Variants in GKAP1 observed in about 807,000 individuals in gnomAD.
The protein encoded by GKAP1 is G kinase anchoring protein 1, also known as G kinase-anchoring protein 1.
GKAP1 carries 31 observed loss-of-function variants against 56.7 expected under a neutral mutation model. The ratio of observed to expected loss-of-function variants is 0.55; its 90% CI spans 0.41 to 0.74. GKAP1 has a LOEUF of 0.74. GKAP1 is among the 30% of genes least tolerant of loss of function. GKAP1 has a pLI of 0.00. For missense variants in GKAP1, 364 were observed against 402.3 expected (o/e 0.90, Z 0.82); for synonymous variants, 151 against 138.6 (o/e 1.09, Z -0.63).
At chr9:83,757,264 A>G (rs1040042200) in intron 8 of GKAP1, among the ~76,000 whole-genome samples, 11 of 152,186 alleles carry the variant, frequency 7.2e-5, no homozygotes, top group African/African-American at 2.7e-4. Flanking sequence ...CTGTGACAGG[A>G]GTGGTCTGCT....
At chr9:83,764,420 T>C (rs1183300016) in intron 8 of GKAP1, among the ~76,000 whole-genome samples, 2 of 152,330 alleles carry the variant, frequency 1.3e-5, no homozygotes, top group East Asian at 3.9e-4. Context: ...TCGCTAGCCA[T>C]GCACAACTGT....
intron 12 of GKAP1, among the ~76,000 whole-genome samples, chr9:83,740,635 T>G (rs1315331830): frequency 6.6e-6 from 1 of 152,194 alleles, no homozygotes. Context: ...TTTTTAGAAT[T>G]CTGACATCTA....
At chr9:83,744,143 C>T (rs528812142) in intron 10 of GKAP1, among the ~76,000 whole-genome samples, 77 of 152,334 alleles carry the variant, frequency 5.1e-4, no homozygotes, top group African/African-American at 1.9e-3. Flanking sequence ...ATGCTTTCTA[C>T]TCCTCCATCC....
rs1292217252 is a variant in GKAP1, at chr9:83,806,449, A to C, written c.69T>G (p.Ser23Arg). The change falls in exon 3 of 13, where the codon AGT (serine) becomes AGG (arginine). Residue 23 changes from serine (S) to arginine (R), a missense_variant. Transcript: ENST00000376371. The stretch of plus-strand genomic sequence containing the variant: ...CAGGTTCAGAATCAGAGCCACTGCC[A>C]CTATCCACTTGTAACAGGGCAAAAC... ...ASRFALLQVD[S>R]GSGSDSEPGK... The C allele has an allele frequency of 6.8e-6, 11 of 1,613,894 alleles. No individual in the cohort carries two copies. The highest frequency in any genetic ancestry group is 9.3e-6 in the Non-Finnish European group (11 of 1,179,950).
intron 10 of GKAP1, among the ~76,000 whole-genome samples, chr9:83,747,917 G>C (rs987993979): frequency 6.6e-6 from 1 of 152,130 alleles, no homozygotes; most frequent in African/African-American, 2.4e-5. Flanking sequence ...GATTACAGGT[G>C]AGCCACCATG....
intron 3 of GKAP1, among the ~76,000 whole-genome samples, chr9:83,799,543 T>C (rs149476127): frequency 6.6e-6 from 1 of 152,356 alleles, no homozygotes; most frequent in East Asian, 1.9e-4. Context: ...TAGATCTATA[T>C]ATAAAATGAT....
chr9:83,742,035 A>G lies in GKAP1; in HGVS notation c.976-6T>C. On this transcript the variant is annotated splice_region_variant and splice_polypyrimidine_tract_variant and intron_variant, in intron 11 of 12. Transcript: ENST00000376371. ...GCAGCATGAAGTGAAGTCACCTATAACCAAATATTCAATAAGAAAAAGAAT... is the reference window on the plus strand; with the variant it reads ...GCAGCATGAAGTGAAGTCACCTATAGCCAAATATTCAATAAGAAAAAGAAT... 2.5e-6 allele frequency: 4 copies of G among 1,569,944 alleles called. No homozygotes were observed. The highest frequency in any genetic ancestry group is 3.4e-4 in the Middle Eastern group (2 of 5,938).
chr9:83,809,292 A>C (rs775572822), intron 2 of GKAP1, among the ~76,000 whole-genome samples: 1 of 152,234 alleles, frequency 6.6e-6, no homozygotes, highest in Non-Finnish European at 1.5e-5. Flanking sequence ...GCCTTGGGGT[A>C]GCCAGGAAAC....
chr9:83,816,272 G>T (rs566297030), intron 2 of GKAP1, among the ~76,000 whole-genome samples: 5 of 151,922 alleles, frequency 3.3e-5, no homozygotes, highest in Non-Finnish European at 5.9e-5. Flanking sequence ...TACTGTAAGT[G>T]ATGTAAACCC....
chr9:83,762,652 C>T (rs970246386), intron 8 of GKAP1, among the ~76,000 whole-genome samples: 7 of 152,132 alleles, frequency 4.6e-5, no homozygotes, highest in Admixed American at 3.9e-4. Flanking sequence ...TCAAATTATA[C>T]TACAGAGCTA....
At chr9:83,780,648 C>T (rs1353917849) in intron 6 of GKAP1, among the ~76,000 whole-genome samples, 2 of 152,102 alleles carry the variant, frequency 1.3e-5, no homozygotes, top group Non-Finnish European at 2.9e-5. Flanking sequence ...GTAAATCCCA[C>T]CCATATCAAG....
At position 83,779,448 on chromosome 9, in the gene GKAP1, T is replaced by TACACACACAC. The variant is rs368970118; in HGVS notation, c.585+924_585+933dup. Among the ~76,000 whole-genome samples, 198 of 119,612 alleles carry TACACACACAC rather than the reference T, an allele frequency of 1.7e-3. 6 individuals carry two copies. Among genetic ancestry groups the TACACACACAC allele is most frequent in the African/African-American group, 4.9e-3 (158 of 32,406 alleles). The allele number at this position is 119,612 out of a possible 152,430, so 78.5% of individuals were successfully genotyped here. On this transcript the variant is annotated intron_variant, in intron 7 of 12. Transcript: ENST00000376371. ...AGCCATATATATATATATATATATA[T>TACACACACAC]ACACACACACACACACGCACATATA...
At chr9:83,799,408 C>A in intron 3 of GKAP1, 80 bp from the exon 4 acceptor site, 1 of 1,041,290 alleles carries the variant, frequency 9.6e-7, no homozygotes, top group South Asian at 1.5e-5. Context: ...AAAAAAAAAC[C>A]AATGATATTT....
chr9:83,768,814 A>T lies in GKAP1; in HGVS notation c.738+4T>A. 1.2e-6 allele frequency: 2 copies of T among 1,605,992 alleles called. No individual in the cohort carries two copies. Among genetic ancestry groups the T allele is most frequent in the South Asian group, 1.1e-5 (1 of 89,078 alleles). ...ATTTTAAGAGAATTTTCTACTTTAC[A>T]TGCCTGGTTGTGTTCATGAGCTGTA... On this transcript the variant is annotated splice_donor_region_variant and intron_variant, in intron 8 of 12. Coordinates refer to ENST00000376371, the MANE Select transcript of GKAP1 (RefSeq NM_025211.4).
At chr9:83,746,113 C>G (rs1360302322) in intron 10 of GKAP1, among the ~76,000 whole-genome samples, 1 of 152,046 alleles carries the variant, frequency 6.6e-6, no homozygotes, top group Non-Finnish European at 1.5e-5. Flanking sequence ...TCTTTAACTT[C>G]TATTTGTGTA....
chr9:83,772,617 G>A (rs1325690217), intron 7 of GKAP1, among the ~76,000 whole-genome samples: 2 of 152,054 alleles, frequency 1.3e-5, no homozygotes, highest in Admixed American at 1.3e-4. Context: ...CCCAAAATAT[G>A]TACATCTATT....
intron 10 of GKAP1, among the ~76,000 whole-genome samples, chr9:83,746,094 C>T (rs1288317228): frequency 1.3e-5 from 2 of 151,964 alleles, no homozygotes; most frequent in African/African-American, 4.8e-5. Flanking sequence ...CCTGGCCTCC[C>T]CCCATAATTC....
chr9:83,791,295 C>T (rs1017650409), intron 4 of GKAP1, among the ~76,000 whole-genome samples: 5 of 151,728 alleles, frequency 3.3e-5, no homozygotes, highest in Non-Finnish European at 5.9e-5. Context: ...CCCAGCTACT[C>T]GGGAGGCTGA....
intron 12 of GKAP1, among the ~76,000 whole-genome samples, chr9:83,740,626 T>G (rs1320258641): frequency 6.6e-6 from 1 of 152,158 alleles, no homozygotes; most frequent in African/African-American, 2.4e-5. Flanking sequence ...GCAGTAATAT[T>G]TTTAGAATTC....
Sources: allele counts gnomAD v4.1 joint callset (sites outside exome capture counted in the v4.1 genomes callset), GRCh38; gene constraint gnomAD v4.1.1; transcripts MANE v1.5; gene names NCBI Gene and HGNC (gene_info 2026-07-23, HGNC 2026-07-21).